The following PDE10A variants were observed in gnomAD, a reference collection of about 807,000 sequenced individuals.
The protein encoded by PDE10A is cAMP and cAMP-inhibited cGMP 3',5'-cyclic phosphodiesterase 10A.
A neutral mutation model predicts 97.7 loss-of-function variants in PDE10A; 39 were observed. The ratio of observed to expected loss-of-function variants is 0.40; its 90% CI spans 0.31 to 0.52. PDE10A has a LOEUF of 0.52. PDE10A is among the 20% of genes least tolerant of loss of function. PDE10A has a pLI of 0.56. For synonymous variants in PDE10A, 371 were observed against 376.8 expected (o/e 0.98, Z 0.18); for missense variants, 731 against 1,047.8 (o/e 0.70, Z 4.17).
chr6:165,468,346 C>T (rs918206663), intron 3 of PDE10A, among the ~76,000 whole-genome samples: 4 of 151,998 alleles, frequency 2.6e-5, no homozygotes, highest in East Asian at 1.9e-4. Flanking sequence ...CCTCAGCCTC[C>T]AAAAGCGCTG....
At chr6:165,959,653 G>A (rs1784299127) in intron 1 of PDE10A, among the ~76,000 whole-genome samples, 1 of 152,202 alleles carries the variant, frequency 6.6e-6, no homozygotes, top group Non-Finnish European at 1.5e-5. Flanking sequence ...GAAGGGAGTA[G>A]TTAAAGCTGC....
At chr6:165,611,416 C>T (rs1422628898) in intron 1 of PDE10A, among the ~76,000 whole-genome samples, 1 of 152,166 alleles carries the variant, frequency 6.6e-6, no homozygotes, top group Non-Finnish European at 1.5e-5. Context: ...TGAGGAAGGG[C>T]TCTGATGAGC....
chr6:165,873,352 T>G (rs1407971849), intron 1 of PDE10A, among the ~76,000 whole-genome samples: 1 of 152,206 alleles, frequency 6.6e-6, no homozygotes, highest in Non-Finnish European at 1.5e-5. Flanking sequence ...CCGACAGCAA[T>G]GCAGAGAGGT....
At chr6:165,698,381 A>G (rs1357509297) in intron 1 of PDE10A, among the ~76,000 whole-genome samples, 2 of 152,256 alleles carry the variant, frequency 1.3e-5, no homozygotes, top group African/African-American at 4.8e-5. Flanking sequence ...AGGCTAACAC[A>G]TAAGAAAAGA....
At chr6:165,606,698 G>A (rs913265793) in intron 1 of PDE10A, among the ~76,000 whole-genome samples, 6 of 152,124 alleles carry the variant, frequency 3.9e-5, no homozygotes, top group Non-Finnish European at 8.8e-5. Flanking sequence ...TAGCAAGTAG[G>A]AGAAAGGCTT....
At chr6:165,382,364 C>A (rs1191149180) in intron 17 of PDE10A, among the ~76,000 whole-genome samples, 1 of 152,106 alleles carries the variant, frequency 6.6e-6, no homozygotes, top group Non-Finnish European at 1.5e-5. Context: ...AACGATGCAA[C>A]TAAGCGCATC....
rs2128421207 is a variant in PDE10A at position 165,643,618 on chromosome 6, C to G, written c.865+18329G>C. Among the ~76,000 whole-genome samples, 3 of 152,174 alleles carry G rather than the reference C, an allele frequency of 2.0e-5. 1 individual carries two copies. In the Middle Eastern group the frequency reaches 0.01, roughly 518 times the overall value. ...CACAGAAAGACAAATACTGAATGAC[C>G]TCGCTTATATTTGGAACTTTTAAAA... On this transcript the variant is annotated intron_variant, in intron 1 of 21. Coordinates refer to ENST00000539869, the MANE Select transcript of PDE10A (RefSeq NM_001385079.1).
At chr6:165,817,804 A>AT (rs1337997143) in intron 1 of PDE10A, among the ~76,000 whole-genome samples, 2 of 152,172 alleles carry the variant, frequency 1.3e-5, no homozygotes. Context: ...GTAAAACAAC[A>AT]TAAGCACTGC....
chr6:165,640,537 C>T (rs1165071620), intron 1 of PDE10A, among the ~76,000 whole-genome samples: 1 of 152,102 alleles, frequency 6.6e-6, no homozygotes, highest in African/African-American at 2.4e-5. Context: ...TTAAGAAGAG[C>T]TCTTATGTAA....
At chr6:165,797,902 T>C (rs1778871913) in intron 1 of PDE10A, among the ~76,000 whole-genome samples, 1 of 152,210 alleles carries the variant, frequency 6.6e-6, no homozygotes, top group Non-Finnish European at 1.5e-5. Context: ...TGTTGTTTTG[T>C]TTTCTCTACT....
chr6:165,850,311 A>G lies in PDE10A; in HGVS notation c.-615+137218T>C, dbSNP rs563404843. 5.3e-5 allele frequency among the ~76,000 whole-genome samples: 8 copies of G among 152,294 alleles called. No homozygotes were observed. The South Asian group carries it at 1.2e-3, about 24-fold the overall frequency. ...CAAAAGAGGCAAATAACGTCTTGGC[A>G]TTTTTATGCAAAGATTTTTGACCTT... On this transcript the variant is annotated intron_variant, in intron 1 of 19. Transcript: ENST00000366882.
At position 165,878,502 on chromosome 6, in the gene PDE10A, T is replaced by C. The variant is rs113678514; in HGVS notation, c.-615+109027A>G. 2.7e-3 allele frequency among the ~76,000 whole-genome samples: 408 copies of C among 152,324 alleles called. 3 individuals are homozygous for C. The highest frequency in any genetic ancestry group is 9.5e-3 in the African/African-American group (395 of 41,576). ...TTAAAGTGATGTTCCTAAAATATTG[T>C]AGAAGCCTCGATGATAAGGACAAGA... On this transcript the variant is annotated intron_variant, in intron 1 of 19. Coordinates refer to the PDE10A transcript ENST00000366882.
intron 5 of PDE10A, among the ~76,000 whole-genome samples, chr6:165,439,056 C>T (rs1402872580): frequency 6.6e-6 from 1 of 151,106 alleles, no homozygotes; most frequent in Non-Finnish European, 1.5e-5. Context: ...TAAATAAGTT[C>T]TAAAGACATT....
intron 13 of PDE10A, among the ~76,000 whole-genome samples, chr6:165,406,124 GA>G (rs1393048051): frequency 3.3e-5 from 5 of 151,978 alleles, no homozygotes. Context: ...TAGACTTGGA[GA>G]AGTATTAAAC....
intron 1 of PDE10A, among the ~76,000 whole-genome samples, chr6:165,579,732 C>G (rs1439450969): frequency 6.6e-6 from 1 of 152,196 alleles, no homozygotes; most frequent in Admixed American, 6.5e-5. Flanking sequence ...CCCCTCATCT[C>G]ACACAGCGAA....
intron 2 of PDE10A, among the ~76,000 whole-genome samples, chr6:165,496,511 TA>T (rs1177097393): frequency 2.6e-5 from 4 of 152,242 alleles, no homozygotes; most frequent in African/African-American, 9.6e-5. Flanking sequence ...GAGATATGGA[TA>T]ATTCTTACAC....
intron 3 of PDE10A, among the ~76,000 whole-genome samples, chr6:165,463,778 G>A (rs75939844): frequency 0.028 from 4,239 of 152,302 alleles, 200 homozygotes; most frequent in African/African-American, 0.094. Context: ...CCCACACTGG[G>A]AGGTTGTGGG....
intron 18 of PDE10A, among the ~76,000 whole-genome samples, chr6:165,376,870 G>C (rs1421269178): frequency 6.6e-6 from 1 of 152,158 alleles, no homozygotes; most frequent in Non-Finnish European, 1.5e-5. Flanking sequence ...AGTGAGCTAT[G>C]ATGATGCCAC....
chr6:165,331,972 G>A lies in PDE10A; in HGVS notation c.*1053C>T, dbSNP rs1781368920. 1 of 152,186 alleles carries A rather than the reference G, an allele frequency of 6.6e-6. No homozygotes were observed. Among genetic ancestry groups the A allele is most frequent in the Admixed American group, 6.6e-5 (1 of 15,266 alleles). 9.4% of individuals were successfully genotyped at this position (152,186 alleles called of 1,614,324 possible). On this transcript the variant is annotated 3_prime_UTR_variant, in exon 22 of 22. Transcript: ENST00000539869. Reference sequence around the variant, plus strand: ...TACGTGGAAGAGATAAGTGAGAGGTGACTGCGGCAGGTCAGAGTAAAATTA... The same window carrying A: ...TACGTGGAAGAGATAAGTGAGAGGTAACTGCGGCAGGTCAGAGTAAAATTA...
Sources: allele counts gnomAD v4.1 joint callset (sites outside exome capture counted in the v4.1 genomes callset), GRCh38; gene constraint gnomAD v4.1.1; transcripts MANE v1.5; gene names NCBI Gene and HGNC (gene_info 2026-07-23, HGNC 2026-07-21).